RAB11FIP3: variants seen among roughly 807,000 people sequenced by gnomAD.
The protein encoded by RAB11FIP3 is rab11 family-interacting protein 3.
RAB11FIP3 carries 17 observed loss-of-function variants against 77.8 expected under a neutral mutation model. The ratio of observed to expected loss-of-function variants is 0.22; its 90% confidence interval spans 0.15 to 0.33. RAB11FIP3 has a LOEUF of 0.33. Among genes scored for constraint, RAB11FIP3 ranks in the 10% least tolerant of loss-of-function variants. The pLI is 1.00. For synonymous variants in RAB11FIP3, 437 were observed against 448.2 expected (o/e 0.98, Z 0.31); for missense variants, 1,005 against 1,011.2 (o/e 0.99, Z 0.08).
intron 4 of RAB11FIP3, 76 bp downstream of exon 4, chr16:482,812 G>T (rs1567383709): frequency 1.4e-6 from 2 of 1,458,668 alleles, no homozygotes; most frequent in East Asian, 2.5e-5. Flanking sequence ...TGGGCAGACT[G>T]GGGTCTTGGA....
rs1355556731 is a variant in RAB11FIP3, at chr16:520,604, C to T, written c.2157+5C>T. 59 of 1,613,028 alleles carry T rather than the reference C, an allele frequency of 3.7e-5. No individual in the cohort carries two copies. The highest frequency in any genetic ancestry group is 4.7e-5 in the Non-Finnish European group (55 of 1,179,744). ...AGCTCCGTCTCCCGAGATGAGGTAA[C>T]ACATCCCGTGTCTGCACGGTGTGGC... On this transcript the variant is annotated splice_donor_5th_base_variant and intron_variant, in intron 13 of 13. Transcript: ENST00000262305.
At chr16:439,940 T>G (rs1327404359) in intron 1 of RAB11FIP3, among the ~76,000 whole-genome samples, 2 of 151,884 alleles carry the variant, frequency 1.3e-5, no homozygotes, top group African/African-American at 2.4e-5. Context: ...GCCTCCTGGT[T>G]TCAAGCAATT....
chr16:492,613 C>T (rs2030670743), intron 5 of RAB11FIP3, among the ~76,000 whole-genome samples: 1 of 150,602 alleles, frequency 6.6e-6, no homozygotes. Flanking sequence ...GTGTGTTCAG[C>T]TAGGGGTTCA....
chr16:437,534 C>T (rs959699164), intron 1 of RAB11FIP3, among the ~76,000 whole-genome samples: 13 of 142,646 alleles, frequency 9.1e-5, no homozygotes, highest in African/African-American at 2.9e-4. Flanking sequence ...AGTGCCATTG[C>T]GCTCCAGCCT....
chr16:457,997 C>G (rs895810519), intron 1 of RAB11FIP3, among the ~76,000 whole-genome samples: 8 of 152,250 alleles, frequency 5.3e-5, no homozygotes, highest in Non-Finnish European at 2.9e-5. Context: ...GCTAGAGTCA[C>G]GCTAGCACAC....
At chr16:485,822 G>A (rs2056143318) in intron 4 of RAB11FIP3, among the ~76,000 whole-genome samples, 1 of 152,238 alleles carries the variant, frequency 6.6e-6, no homozygotes, top group South Asian at 2.1e-4. Context: ...CAGTCACTAT[G>A]ATGTTTACTT....
In RAB11FIP3 at chr16:440,061, C is replaced by T. The variant is rs187498480; in HGVS notation, c.714+13341C>T. ...TTCACTGTGTTAGCCAGGATGGTCT[C>T]GATCTCCTGACCTCATGATCCGCCC... On this transcript the variant is annotated intron_variant, in intron 1 of 13. Transcript: ENST00000262305. Among the ~76,000 whole-genome samples the T allele has an allele frequency of 1.8e-3, 272 of 152,030 alleles. 1 individual carries two copies. The highest frequency in any genetic ancestry group is 2.8e-3 in the Non-Finnish European group (188 of 67,970).
Position 482,546 on chromosome 16 carries a change from G to A in RAB11FIP3, c.925G>A (p.Ala309Thr). 1 of 1,613,542 alleles carries A rather than the reference G, an allele frequency of 6.2e-7. No homozygotes were observed. The highest frequency in any genetic ancestry group is 8.5e-7 in the Non-Finnish European group (1 of 1,180,028). The change falls in exon 4 of 14, where the codon GCG becomes ACG. Residue 309 changes from alanine to threonine, a missense_variant. Around this residue, in one of 4 missense-constraint regions of RAB11FIP3, gnomAD observed 16 missense variants for 37.1 expected, o/e 0.43. Transcript: ENST00000262305. ...TYEANEVTDS[A>T]YMGSESTYSE... ...CTAGGCCAACGAGGTGACGGACAGC[G>A]CGTACATGGGCTCCGAGAGCACCTA...
At position 507,732 on chromosome 16, in the gene RAB11FIP3, AAAC is replaced by A. The variant is rs2031945271; in HGVS notation, c.1499+2110_1499+2112del. 6.6e-6 allele frequency among the ~76,000 whole-genome samples: 1 copy of A among 152,188 alleles called. No homozygotes were observed. Among genetic ancestry groups the A allele is most frequent in the Non-Finnish European group, 1.5e-5 (1 of 68,046 alleles). On this transcript the variant is annotated intron_variant, in intron 8 of 13. Transcript: ENST00000262305. The surrounding 1 kb of genome is among the most constrained non-coding windows in gnomAD (Gnocchi z 4.6). ...CTGTGGTGCTCACCTCCAACGTCCT[AAAC>A]AACACGTTTCCCGTTTTCAGTATCA...
At chr16:508,259 G>A (rs767329199) in intron 8 of RAB11FIP3, among the ~76,000 whole-genome samples, 5 of 152,234 alleles carry the variant, frequency 3.3e-5, no homozygotes, top group South Asian at 2.1e-4. Context: ...CTCTGGTGCC[G>A]CAGGGCCTTG....
intron 1 of RAB11FIP3, among the ~76,000 whole-genome samples, chr16:440,645 A>G (rs7196718): frequency 0.63 from 95,461 of 152,244 alleles, 30,327 homozygotes; most frequent in African/African-American, 0.71. Context: ...TCAGTGATGC[A>G]TCTTCCTCAC....
At position 508,353 on chromosome 16, in the gene RAB11FIP3, A is replaced by T. The variant is rs903101170; in HGVS notation, c.1500-2307A>T. Reference sequence around the variant, plus strand: ...TTGCCGTGCTGTGCACCTGGTTTTCAGCCTTTATTTCGTTTTGTTTTGTTT... The same window carrying T: ...TTGCCGTGCTGTGCACCTGGTTTTCTGCCTTTATTTCGTTTTGTTTTGTTT... On this transcript the variant is annotated intron_variant, in intron 8 of 13. Transcript: ENST00000262305. Among the ~76,000 whole-genome samples, 5 of 152,168 alleles carry T rather than the reference A, an allele frequency of 3.3e-5. 1 individual carries two copies. The highest frequency in any genetic ancestry group is 3.3e-4 in the Admixed American group (5 of 15,286).
intron 1 of RAB11FIP3, among the ~76,000 whole-genome samples, chr16:446,832 C>T (rs889163052): frequency 1.3e-5 from 2 of 152,106 alleles, no homozygotes; most frequent in African/African-American, 4.8e-5. Flanking sequence ...TCCCGAGTAG[C>T]TGGGATTACA....
At position 492,448 on chromosome 16, in the gene RAB11FIP3, AGGGCCCTTCCCGGG is replaced by A. The variant is rs1567392298; in HGVS notation, c.1265+3450_1265+3463del. Reference sequence around the variant, plus strand: ...CTCCCCGGGAGACCCGAGGCCGCCCAGGGCCCTTCCCGGGGAGACCCGAGGCCGCCCAGGGCCCT... The same window carrying A: ...CTCCCCGGGAGACCCGAGGCCGCCCAGAGACCCGAGGCCGCCCAGGGCCCT... On this transcript the variant is annotated intron_variant, in intron 5 of 13. Transcript: ENST00000262305. Among the ~76,000 whole-genome samples the A allele has an allele frequency of 1.3e-3, 176 of 132,710 alleles. 7 individuals are homozygous for A. Among genetic ancestry groups the A allele is most frequent in the Middle Eastern group, 7.9e-3 (2 of 252 alleles). The allele number at this position is 132,710 out of a possible 152,430, so 87.1% of individuals were successfully genotyped here.
chr16:432,587 G>T (rs1041240073), intron 1 of RAB11FIP3, among the ~76,000 whole-genome samples: 10 of 111,312 alleles, frequency 9.0e-5, no homozygotes, highest in South Asian at 5.1e-4. Flanking sequence ...TTTTGACCTG[G>T]TTTTTTTTTT....
intron 3 of RAB11FIP3, among the ~76,000 whole-genome samples, chr16:482,157 G>A (rs193167754): frequency 2.2e-5 from 3 of 138,068 alleles, no homozygotes; most frequent in Middle Eastern, 3.9e-3. Flanking sequence ...ACCGCACCTG[G>A]GCAAGCTCCT....
intron 1 of RAB11FIP3, among the ~76,000 whole-genome samples, chr16:427,590 C>G (rs1167496359): frequency 6.6e-6 from 1 of 152,214 alleles, no homozygotes; most frequent in Non-Finnish European, 1.5e-5. Flanking sequence ...GCCAATAACC[C>G]GGTGGACATC....
chr16:455,095 T>G (rs1236985863), intron 1 of RAB11FIP3, among the ~76,000 whole-genome samples: 1 of 150,446 alleles, frequency 6.6e-6, no homozygotes, highest in Non-Finnish European at 1.5e-5. Flanking sequence ...TTTTTTTTTT[T>G]TCTTGGCCAC....
Position 471,528 on chromosome 16 carries a change from C to T in RAB11FIP3, c.903+139C>T. On this transcript the variant is annotated intron_variant, in intron 3 of 13. Coordinates refer to ENST00000262305, the MANE Select transcript of RAB11FIP3 (RefSeq NM_014700.4). This position sits in a 1 kb window ranked among gnomAD's most constrained non-coding sequence, Gnocchi z 4.4. ...GGAAGGGCCTCCCGCCCTGTGTGCA[C>T]CGTGGGGCTCTGTGGCTGTGACGGG... 17 of 720,844 alleles carry T rather than the reference C, an allele frequency of 2.4e-5. No individual in the cohort carries two copies. In the South Asian group the frequency reaches 2.8e-4, roughly 12 times the overall value. 44.7% of individuals were successfully genotyped at this position (720,844 alleles called of 1,614,324 possible).
Sources: allele counts gnomAD v4.1 joint callset (sites outside exome capture counted in the v4.1 genomes callset), GRCh38; gene constraint gnomAD v4.1.1; regional missense constraint gnomAD v4.1.1; non-coding constraint Gnocchi (gnomAD v3.1); transcripts MANE v1.5; gene names NCBI Gene and HGNC (gene_info 2026-07-23, HGNC 2026-07-21).